NAV3: variants seen among roughly 807,000 people sequenced by gnomAD.
The protein encoded by NAV3 is pore membrane and/or filament interacting like protein 1.
In NAV3, 87 loss-of-function variants were observed where a neutral mutation model predicts 244.7. That is an observed-to-expected ratio of 0.36 (90% CI 0.30 to 0.42). The LOEUF is 0.42. NAV3 is among the 20% of genes least tolerant of loss of function. The pLI, the probability that NAV3 is intolerant of heterozygous loss-of-function variation, is 1.00. For synonymous variants in NAV3, 1,126 were observed against 1,042.2 expected (o/e 1.08, Z -1.55); for missense variants, 2,663 against 2,893.3 (o/e 0.92, Z 1.83).
chr12:77,660,432 TTG>T (rs1873381818), intron 2 of NAV3, among the ~76,000 whole-genome samples: 1 of 152,322 alleles, frequency 6.6e-6, no homozygotes, highest in Non-Finnish European at 1.5e-5. Context: ...TATGAACCAA[TTG>T]TGTGTCTTCC....
chr12:77,990,136 A>G (rs950102068), intron 5 of NAV3, among the ~76,000 whole-genome samples: 18 of 77,426 alleles, frequency 2.3e-4, no homozygotes, highest in Admixed American at 1.3e-3. Flanking sequence ...TCTCTGTTGC[A>G]CAGAAAGCCA....
chr12:77,882,396 G>C (rs1302863002), intron 1 of NAV3, among the ~76,000 whole-genome samples: 1 of 152,042 alleles, frequency 6.6e-6, no homozygotes, highest in Non-Finnish European at 1.5e-5. Context: ...GAATGAAACA[G>C]GACCTTTACC....
intron 2 of NAV3, among the ~76,000 whole-genome samples, chr12:77,632,857 G>A (rs1871976104): frequency 1.3e-5 from 2 of 152,062 alleles, no homozygotes; most frequent in South Asian, 2.1e-4. Flanking sequence ...AGTGGATGTG[G>A]CAAATACAGA....
Position 77,688,833 on chromosome 12 carries a change from T to G in NAV3, c.72+116567T>G, listed in dbSNP as rs117037683. ...ACAGGTGTAGGGAAAAGGAAGGTTA[T>G]GTCTAAGTTCTCTGAACAGTGTGCC... is the stretch of plus-strand genomic sequence containing the variant. On this transcript the variant is annotated intron_variant, in intron 2 of 8. Coordinates refer to the NAV3 transcript ENST00000550042. 8.4e-3 allele frequency among the ~76,000 whole-genome samples: 1,277 copies of G among 151,852 alleles called. 12 individuals are homozygous for G. The highest frequency in any genetic ancestry group is 0.013 in the Non-Finnish European group (893 of 67,772).
intron 2 of NAV3, among the ~76,000 whole-genome samples, chr12:77,657,302 A>T (rs1490488648): frequency 2.6e-5 from 4 of 152,198 alleles, no homozygotes; most frequent in Non-Finnish European, 4.4e-5. Flanking sequence ...AGAAATACAA[A>T]CTACCATCAG....
At chr12:77,900,334 C>T (rs890331885) in intron 1 of NAV3, among the ~76,000 whole-genome samples, 1 of 152,058 alleles carries the variant, frequency 6.6e-6, no homozygotes, top group Non-Finnish European at 1.5e-5. Context: ...CCTTGGCCTC[C>T]CAAAGTGCTG....
At chr12:77,795,158 A>C (rs898471266) in intron 2 of NAV3, among the ~76,000 whole-genome samples, 1 of 152,208 alleles carries the variant, frequency 6.6e-6, no homozygotes, top group Non-Finnish European at 1.5e-5. Flanking sequence ...TAAAGTAATT[A>C]AGTAGCAATT....
rs2138679467 is a variant in NAV3 at position 78,121,969 on chromosome 12, C to G, written c.3779C>G (p.Ser1260Cys). ...TTTGGTGCCAAGGCAGGTGGCAAAT[C>G]TGCCTCTGCACCTAATACTGAGGGT... ...RLFGAKAGGK[S>C]ASAPNTEGVK... Residue 1260 changes from serine to cysteine, a missense_variant, in exon 16 of 40, where the codon TCT becomes TGT. By Grantham distance (112) the Ser-to-Cys change is moderately radical. Transcript: ENST00000397909. 6.2e-7 allele frequency: 1 copy of G among 1,613,920 alleles called. No homozygotes were observed. Among genetic ancestry groups the G allele is most frequent in the Non-Finnish European group, 8.5e-7 (1 of 1,179,830 alleles).
intron 1 of NAV3, among the ~76,000 whole-genome samples, chr12:77,877,733 GC>G: frequency 6.6e-6 from 1 of 152,142 alleles, no homozygotes; most frequent in African/African-American, 2.4e-5. Flanking sequence ...TTAAGTGTGG[GC>G]TATACATAGA....
chr12:77,593,030 A>G (rs1194049951), intron 2 of NAV3, among the ~76,000 whole-genome samples: 3 of 152,122 alleles, frequency 2.0e-5, no homozygotes, highest in Non-Finnish European at 1.5e-5. Flanking sequence ...TGAGTCTCTA[A>G]GTTAAAGGGC....
chr12:78,002,048 TGC>T (rs767641250), intron 7 of NAV3, among the ~76,000 whole-genome samples: 3 of 152,212 alleles, frequency 2.0e-5, no homozygotes, highest in Non-Finnish European at 4.4e-5. Flanking sequence ...GTAGAAACCA[TGC>T]CATGGTTCCT....
intron 2 of NAV3, among the ~76,000 whole-genome samples, chr12:77,823,411 G>A (rs2136038385): frequency 6.6e-6 from 1 of 152,312 alleles, no homozygotes; most frequent in East Asian, 1.9e-4. Context: ...GAGGAAACAA[G>A]CAAATGCCAG....
At chr12:77,997,192 T>G (rs1872496794) in intron 6 of NAV3, among the ~76,000 whole-genome samples, 1 of 144,974 alleles carries the variant, frequency 6.9e-6, no homozygotes, top group Non-Finnish European at 1.5e-5. Flanking sequence ...GGGCTGAGAT[T>G]GTGCCACTGC....
chr12:77,988,015 G>A (rs1195181806), intron 5 of NAV3, among the ~76,000 whole-genome samples: 1 of 152,174 alleles, frequency 6.6e-6, no homozygotes, highest in Non-Finnish European at 1.5e-5. Context: ...GTAAGAAGGA[G>A]GCTGCTGACA....
At chr12:77,658,952 A>G (rs1017057082) in intron 2 of NAV3, among the ~76,000 whole-genome samples, 1 of 152,184 alleles carries the variant, frequency 6.6e-6, no homozygotes, top group Non-Finnish European at 1.5e-5. Context: ...TTATACAAAA[A>G]TCAATTCAAG....
At chr12:77,991,738 G>T (rs1386512418) in intron 5 of NAV3, among the ~76,000 whole-genome samples, 1 of 152,018 alleles carries the variant, frequency 6.6e-6, no homozygotes, top group African/African-American at 2.4e-5. Flanking sequence ...AGAAACATAA[G>T]AATATTTTAT....
intron 2 of NAV3, among the ~76,000 whole-genome samples, chr12:77,807,723 T>C (rs1205571896): frequency 6.6e-6 from 1 of 152,206 alleles, no homozygotes; most frequent in African/African-American, 2.4e-5. Context: ...AATGTTGGCC[T>C]GTCTTGCTAG....
At position 78,118,023 on chromosome 12, in the gene NAV3, A is replaced by G. The variant is rs763109202; in HGVS notation, c.2770-4A>G. On this transcript the variant is annotated splice_polypyrimidine_tract_variant and splice_region_variant and intron_variant, in intron 13 of 39. Coordinates refer to ENST00000397909, the MANE Select transcript of NAV3 (RefSeq NM_001024383.2). ...AAGTTTTTCTGTAATATTTGTCTTT[A>G]TAGCTGAGGACAGATTCAGAGAAAC... The G allele has an allele frequency of 6.3e-7, 1 of 1,575,850 alleles. No homozygotes were observed. Among genetic ancestry groups the G allele is most frequent in the Non-Finnish European group, 8.6e-7 (1 of 1,161,104 alleles).
chr12:78,010,957 A>G (rs1459598959), intron 8 of NAV3: 1 of 152,084 alleles, frequency 6.6e-6, no homozygotes. Flanking sequence ...TAGATTTCCT[A>G]TTAGCCTAAC....
Sources: allele counts gnomAD v4.1 joint callset (sites outside exome capture counted in the v4.1 genomes callset), GRCh38; gene constraint gnomAD v4.1.1; transcripts MANE v1.5; gene names NCBI Gene and HGNC (gene_info 2026-07-23, HGNC 2026-07-21).